Variants in NOTO observed in about 807,000 individuals in gnomAD.
NOTO encodes the protein homeobox protein notochord.
NOTO carries 19 observed loss-of-function variants against 20.5 expected under a neutral mutation model. That is an observed-to-expected ratio of 0.93 (90% confidence interval 0.65 to 1.36). The LOEUF is 1.36. Ranked by LOEUF, NOTO falls within the 40% of genes most tolerant of loss-of-function variation. The pLI, the probability that NOTO is intolerant of heterozygous loss-of-function variation, is 0.00. For synonymous variants in NOTO, 150 were observed against 150.2 expected (o/e 1.00, Z 0.01); for missense variants, 369 against 336.2 (o/e 1.10, Z -0.76).
In NOTO at chr2:73,202,785, G is replaced by A. The variant is rs1686022337; in HGVS notation, c.119G>A (p.Arg40His). 2 of 1,523,532 alleles carry A rather than the reference G, an allele frequency of 1.3e-6. No individual in the cohort carries two copies. The highest frequency in any genetic ancestry group is 2.6e-5 in the East Asian group (1 of 38,896). 94.4% of individuals were successfully genotyped at this position (1,523,532 alleles called of 1,614,324 possible). ...TCCCCTACTGGCCCGAACACGCCCC[G>A]CGCTCCCGGACGCTTCGAGTCCCCT... ...PRSPTGPNTPRAPGRFESPFS... is the reference protein window; with the variant it reads ...PRSPTGPNTPHAPGRFESPFS... The change falls in exon 1 of 3, where the codon CGC (arginine) becomes CAC (histidine). Residue 40 changes from arginine to histidine, a missense_variant. Transcript: ENST00000398468.
intron 1 of NOTO, among the ~76,000 whole-genome samples, chr2:73,204,883 T>A (rs1418894726): frequency 2.2e-5 from 2 of 92,560 alleles, no homozygotes; most frequent in African/African-American, 9.4e-5. Context: ...TTTTTTATTT[T>A]TTTATTTTTT....
chr2:73,204,973 C>T (rs370525485), intron 1 of NOTO, among the ~76,000 whole-genome samples: 1 of 150,462 alleles, frequency 6.6e-6, no homozygotes, highest in South Asian at 2.1e-4. Context: ...CTCCGCCTCC[C>T]GGGTTCACGC....
intron 1 of NOTO, among the ~76,000 whole-genome samples, chr2:73,207,950 A>G (rs1686112263): frequency 6.6e-6 from 1 of 152,142 alleles, no homozygotes; most frequent in African/African-American, 2.4e-5. Context: ...AACGACAGAG[A>G]TTTTCTGTTT....
chr2:73,203,435 G>C (rs1168411385), intron 1 of NOTO, among the ~76,000 whole-genome samples: 1 of 151,682 alleles, frequency 6.6e-6, no homozygotes, highest in Admixed American at 6.6e-5. Flanking sequence ...GCTTCCCAAA[G>C]CGGCTCTCGA....
intron 2 of NOTO, among the ~76,000 whole-genome samples, chr2:73,209,529 T>G (rs1235784246): frequency 6.6e-6 from 1 of 152,162 alleles, no homozygotes; most frequent in Non-Finnish European, 1.5e-5. Flanking sequence ...ACCCCATCCC[T>G]TATTGAAACA....
At chr2:73,210,688 A>C in intron 2 of NOTO, 83 bp from the exon 3 acceptor site, 1 of 1,200,254 alleles carries the variant, frequency 8.3e-7, no homozygotes, top group Non-Finnish European at 1.2e-6. Flanking sequence ...TTGGCCAGGC[A>C]GAGAGGGGTG....
At chr2:73,204,616 C>G (rs1346381771) in intron 1 of NOTO, among the ~76,000 whole-genome samples, 1 of 152,222 alleles carries the variant, frequency 6.6e-6, no homozygotes, top group African/African-American at 2.4e-5. Context: ...TCACCTTTCT[C>G]TGAGCTCTTC....
chr2:73,210,626 G>A (rs962498737), intron 2 of NOTO, 145 bp from the exon 3 acceptor site: 3 of 634,626 alleles, frequency 4.7e-6, no homozygotes, highest in Non-Finnish European at 8.1e-6. Context: ...GTCTGGAATT[G>A]TAGAAAGGGG....
Position 73,204,377 on chromosome 2 carries a change from G to T in NOTO, c.382+1329G>T, listed in dbSNP as rs566132418. Among the ~76,000 whole-genome samples, 25 of 152,292 alleles carry T rather than the reference G, an allele frequency of 1.6e-4. No homozygotes were observed. The Middle Eastern group carries it at 0.014, about 83-fold the overall frequency. ...TGCTTTTGCCATTTTTGGTTGCCAG[G>T]TTCATGTTTCCCCATGTCCCCACGA... On this transcript the variant is annotated intron_variant, in intron 1 of 2. Transcript: ENST00000398468.
Position 73,204,325 on chromosome 2 carries a change from T to G in NOTO, c.382+1277T>G, listed in dbSNP as rs547909535. Among the ~76,000 whole-genome samples, 25 of 152,290 alleles carry G rather than the reference T, an allele frequency of 1.6e-4. 1 individual carries two copies. The South Asian group carries it at 3.5e-3, about 21-fold the overall frequency. ...AAGTAACTATAGAGGGAACTTTGCC[T>G]TCTAGCATTAAACATCCACCTACAC... is the stretch of plus-strand genomic sequence containing the variant. On this transcript the variant is annotated intron_variant, in intron 1 of 2. Transcript: ENST00000398468.
At chr2:73,209,485 C>G (rs905973748) in intron 2 of NOTO, among the ~76,000 whole-genome samples, 2 of 74,248 alleles carry the variant, frequency 2.7e-5, no homozygotes, top group Non-Finnish European at 5.5e-5. Flanking sequence ...GCTCAGTCCA[C>G]CACTCAGCAG....
In NOTO at chr2:73,203,045, A is replaced by G; in HGVS notation, c.379A>G (p.Thr127Ala). 1 of 1,389,782 alleles carries G rather than the reference A, an allele frequency of 7.2e-7. No homozygotes were observed. The highest frequency in any genetic ancestry group is 9.3e-7 in the Non-Finnish European group (1 of 1,076,012). The allele number at this position is 1,389,782 out of a possible 1,614,324, so 86.1% of individuals were successfully genotyped here. A position where few individuals can be genotyped will look rare whatever the true frequency, so the allele number is the denominator to read the frequency against. ...PVCGLLGFGV[T>A]GLELAHCSGL... ...CTGCGGCCTGCTGGGCTTCGGCGTC[A>G]CAGGTACTGCGGTCCCGGCGCCCGC... The change falls in exon 1 of 3, where the codon ACA (threonine) becomes GCA (alanine). Residue 127 changes from threonine to alanine, a missense_variant. Transcript: ENST00000398468.
Position 73,210,976 on chromosome 2 carries a change from T to C in NOTO, c.*47T>C. ...CCAGGCTGCCTGGACTAGTTCCTCC[T>C]GGGGGTACCCACTGGAGCTCCCTGC... On this transcript the variant is annotated 3_prime_UTR_variant, in exon 3 of 3. Transcript: ENST00000398468. 1 of 1,480,148 alleles carries C rather than the reference T, an allele frequency of 6.8e-7. No individual in the cohort carries two copies. The highest frequency in any genetic ancestry group is 1.9e-4 in the Middle Eastern group (1 of 5,386). 91.7% of individuals were successfully genotyped at this position (1,480,148 alleles called of 1,614,324 possible). A position where few individuals can be genotyped will look rare whatever the true frequency, so the allele number is the denominator to read the frequency against.
At position 73,202,942 on chromosome 2, in the gene NOTO, G is replaced by T; in HGVS notation, c.276G>T (p.Trp92Cys). 1 of 1,517,386 alleles carries T rather than the reference G, an allele frequency of 6.6e-7. No homozygotes were observed. The allele number at this position is 1,517,386 out of a possible 1,614,324, so 94.0% of individuals were successfully genotyped here. The change falls in exon 1 of 3, where the codon TGG (tryptophan) becomes TGT (cysteine). Residue 92 changes from tryptophan to cysteine, a missense_variant. By Grantham distance (215) the Trp-to-Cys change is radical. Transcript: ENST00000398468. Reference protein sequence around the residue: ...ASLCATGGLPWACPTSWLPAY... With the variant: ...ASLCATGGLPCACPTSWLPAY... ...TGTGCGCCACCGGGGGTCTGCCCTG[G>T]GCTTGCCCGACATCGTGGCTGCCCG...
chr2:73,204,138 C>T (rs1348732219), intron 1 of NOTO, among the ~76,000 whole-genome samples: 2 of 147,450 alleles, frequency 1.4e-5, no homozygotes, highest in Non-Finnish European at 1.5e-5. Context: ...ATTAGGAGGG[C>T]GTGGTGGCGC....
Position 73,210,773 on chromosome 2 carries a change from G to T in NOTO, c.600G>T (p.Val200=), listed in dbSNP as rs1287641723. ...CTCTGCCCACTCTCCAATTATAGGT[G>T]AGAGTCTGGTTCCAGAACCGCAGGG... ...AARLKLTENQ[V]RVWFQNRRVK... Residue 200 remains valine, a splice_region_variant and synonymous_variant, in exon 3 of 3, where the codon GTG becomes GTT. Coordinates refer to ENST00000398468, the MANE Select transcript of NOTO (RefSeq NM_001134462.2). 6.5e-7 allele frequency: 1 copy of T among 1,549,358 alleles called. No individual in the cohort carries two copies. Among genetic ancestry groups the T allele is most frequent in the African/African-American group, 1.4e-5 (1 of 73,174 alleles).
chr2:73,208,531 G>C lies in NOTO; in HGVS notation c.514G>C (p.Glu172Gln). 1.3e-6 allele frequency: 2 copies of C among 1,551,664 alleles called. No individual in the cohort carries two copies. The highest frequency in any genetic ancestry group is 2.0e-5 in the Admixed American group (1 of 51,002). Residue 172 changes from glutamate to glutamine, a missense_variant, in exon 2 of 3, where the codon GAG becomes CAG. Coordinates refer to ENST00000398468, the MANE Select transcript of NOTO (RefSeq NM_001134462.2). ...TAACTTGGAGCAGCTGGAAGAGTTG[G>C]AGAAAGTGTTTGCAAAACAGCACAA... ...MFNLEQLEEL[E>Q]KVFAKQHNLV...
chr2:73,209,862 C>T (rs760330054), intron 2 of NOTO, among the ~76,000 whole-genome samples: 4 of 152,194 alleles, frequency 2.6e-5, no homozygotes, highest in African/African-American at 7.2e-5. Context: ...TATGACCCCA[C>T]CGTCCACCTG....
chr2:73,208,608 G>A lies in NOTO; in HGVS notation c.591G>A (p.Glu197=). 7 of 1,549,100 alleles carry A rather than the reference G, an allele frequency of 4.5e-6. No homozygotes were observed. Among genetic ancestry groups the A allele is most frequent in the Non-Finnish European group, 6.1e-6 (7 of 1,145,096 alleles). ...AQLAARLKLT[E]NQVRVWFQNR... The stretch of plus-strand genomic sequence containing the variant: ...TGGCAGCTCGGCTCAAACTTACAGA[G>A]AACCAGGTGGGAGTAGGGACTCCTA... The change falls in exon 2 of 3, where the codon GAG becomes GAA. Residue 197 remains glutamate (E), a synonymous_variant. Coordinates refer to ENST00000398468, the MANE Select transcript of NOTO (RefSeq NM_001134462.2).
Sources: allele counts gnomAD v4.1 joint callset (sites outside exome capture counted in the v4.1 genomes callset), GRCh38; gene constraint gnomAD v4.1.1; transcripts MANE v1.5; gene names NCBI Gene and HGNC (gene_info 2026-07-23, HGNC 2026-07-21).